Variants in VPS13B observed in about 807,000 individuals in gnomAD.
The protein encoded by VPS13B is vacuolar protein sorting 13 homolog B.
In VPS13B, 285 loss-of-function variants were observed where a neutral mutation model predicts 426.4. The observed-to-expected ratio is 0.67, with a 90% CI of 0.61 to 0.74. VPS13B has a LOEUF of 0.74. Ranked by LOEUF, VPS13B falls within the 30% of genes least tolerant of loss-of-function variation. VPS13B has a pLI of 0.00. For synonymous variants in VPS13B, 1,676 were observed against 1,676.4 expected (o/e 1.00, Z 0.01); for missense variants, 4,537 against 4,782.6 (o/e 0.95, Z 1.51).
intron 23 of VPS13B, among the ~76,000 whole-genome samples, chr8:99,458,382 G>A: frequency 7.3e-6 from 1 of 136,448 alleles, no homozygotes. Flanking sequence ...AAACATACGT[G>A]TGGCCTGTGT....
rs565036328 is a variant in VPS13B, at chr8:99,508,262, CTAT to C, written c.4224+1066_4224+1068del. Among the ~76,000 whole-genome samples, 166 of 151,920 alleles carry C rather than the reference CTAT, an allele frequency of 1.1e-3. 2 individuals are homozygous for C. The highest frequency in any genetic ancestry group is 1.5e-3 in the Non-Finnish European group (102 of 67,938). On this transcript the variant is annotated intron_variant, in intron 28 of 61. Transcript: ENST00000357162. ...AAGATTGCCTTTAAAAATTTTTTTTCTATTATTATGCCATTGTTTTCTTACAAC... is the reference window on the plus strand; with the variant it reads ...AAGATTGCCTTTAAAAATTTTTTTTCTATTATGCCATTGTTTTCTTACAAC...
chr8:99,278,754 C>G (rs1464741117), intron 19 of VPS13B, among the ~76,000 whole-genome samples: 1 of 152,198 alleles, frequency 6.6e-6, no homozygotes, highest in Admixed American at 6.5e-5. Context: ...TAAGCACTGT[C>G]AAAAGAGCCA....
chr8:99,021,498 G>A (rs1039638134), intron 2 of VPS13B, among the ~76,000 whole-genome samples: 2 of 152,026 alleles, frequency 1.3e-5, no homozygotes, highest in African/African-American at 2.4e-5. Context: ...GCGGGCGCCT[G>A]TAATCCCAGC....
chr8:99,728,349 A>G, intron 39 of VPS13B, among the ~76,000 whole-genome samples: 1 of 152,158 alleles, frequency 6.6e-6, no homozygotes, highest in African/African-American at 2.4e-5. Context: ...ACCTTTTCAA[A>G]CAAATGTCTA....
intron 17 of VPS13B, among the ~76,000 whole-genome samples, chr8:99,256,194 C>T (rs558399855): frequency 1.3e-5 from 2 of 152,258 alleles, no homozygotes; most frequent in South Asian, 2.1e-4. Context: ...AAACAAAACC[C>T]GTGATCCTTA....
intron 17 of VPS13B, among the ~76,000 whole-genome samples, chr8:99,243,701 G>T (rs1817053161): frequency 1.3e-5 from 2 of 152,134 alleles, no homozygotes; most frequent in Admixed American, 6.5e-5. Context: ...ACATTGCTTG[G>T]TTATTTAGTG....
intron 19 of VPS13B, among the ~76,000 whole-genome samples, chr8:99,349,351 A>G (rs986392381): frequency 6.7e-5 from 10 of 148,870 alleles, no homozygotes; most frequent in Non-Finnish European, 1.3e-4. Flanking sequence ...AAAAAAAAAA[A>G]AAAAGAAAAT....
At chr8:99,760,031 C>T (rs1810848923) in intron 39 of VPS13B, among the ~76,000 whole-genome samples, 1 of 151,998 alleles carries the variant, frequency 6.6e-6, no homozygotes, top group Non-Finnish European at 1.5e-5. Flanking sequence ...GGCTGGAGTG[C>T]AGTGGCATGA....
intron 17 of VPS13B, among the ~76,000 whole-genome samples, chr8:99,225,733 A>G (rs1815979604): frequency 6.6e-6 from 1 of 152,124 alleles, no homozygotes; most frequent in Non-Finnish European, 1.5e-5. Context: ...CTGTTGTAAT[A>G]ATATCTTTCC....
At chr8:99,853,091 T>C (rs1816375290) in intron 55 of VPS13B, among the ~76,000 whole-genome samples, 1 of 152,176 alleles carries the variant, frequency 6.6e-6, no homozygotes, top group South Asian at 2.1e-4. Flanking sequence ...ACATCACTTT[T>C]TCAATTTAGG....
At chr8:99,087,949 C>T (rs180961115) in intron 3 of VPS13B, among the ~76,000 whole-genome samples, 10 of 151,796 alleles carry the variant, frequency 6.6e-5, no homozygotes, top group African/African-American at 2.2e-4. Flanking sequence ...TTTGGGAGGC[C>T]GAAGCAGGTA....
intron 19 of VPS13B, among the ~76,000 whole-genome samples, chr8:99,359,763 C>G (rs768312288): frequency 6.6e-6 from 1 of 152,178 alleles, no homozygotes; most frequent in Non-Finnish European, 1.5e-5. Context: ...AGTATGGCCT[C>G]TACATTAGAA....
chr8:99,497,162 A>AATATATTTATATATTTAATATATAAATAC (rs1820941471), intron 25 of VPS13B, among the ~76,000 whole-genome samples: 2 of 128,492 alleles, frequency 1.6e-5, no homozygotes, highest in African/African-American at 3.3e-5. Flanking sequence ...GTAATATAAA[A>AATATATTTATATATTTAATATATAAATAC]ATATATTTAT....
chr8:99,648,804 A>G (rs1357194965), intron 34 of VPS13B, among the ~76,000 whole-genome samples: 1 of 152,118 alleles, frequency 6.6e-6, no homozygotes, highest in Non-Finnish European at 1.5e-5. Flanking sequence ...ATTCCCAGCC[A>G]TTTACCATGT....
At chr8:99,615,639 C>A (rs1002812136) in intron 33 of VPS13B, among the ~76,000 whole-genome samples, 2 of 152,124 alleles carry the variant, frequency 1.3e-5, no homozygotes, top group African/African-American at 2.4e-5. Flanking sequence ...GTCTAGATTT[C>A]TTTTGGATTC....
At chr8:99,185,263 A>C (rs531848001) in intron 16 of VPS13B, among the ~76,000 whole-genome samples, 1 of 152,232 alleles carries the variant, frequency 6.6e-6, no homozygotes, top group Non-Finnish European at 1.5e-5. Context: ...GTCTGCAGGG[A>C]TATATGATAA....
At chr8:99,726,717 G>A (rs887624026) in intron 39 of VPS13B, among the ~76,000 whole-genome samples, 4 of 152,112 alleles carry the variant, frequency 2.6e-5, no homozygotes, top group African/African-American at 9.7e-5. Context: ...AGCCACACCT[G>A]GCTAATTTTT....
chr8:99,702,688 CTG>C (rs138974186), intron 36 of VPS13B, among the ~76,000 whole-genome samples: 3,047 of 152,210 alleles, frequency 0.02, 108 homozygotes, highest in African/African-American at 0.07. Context: ...GTCAAAAACA[CTG>C]TGCAAAAACA....
At chr8:99,393,885 CT>C (rs1319862643) in intron 21 of VPS13B, among the ~76,000 whole-genome samples, 2 of 151,976 alleles carry the variant, frequency 1.3e-5, no homozygotes, top group Non-Finnish European at 2.9e-5. Context: ...ATACAGTCTT[CT>C]TTTTTAGAAT....
Sources: gnomAD v4.1 joint callset for allele counts (sites outside exome capture counted in the v4.1 genomes callset) on GRCh38, gnomAD v4.1.1 for gene constraint, MANE v1.5 for transcripts, NCBI Gene and HGNC (gene_info 2026-07-23, HGNC 2026-07-21) for gene names.